ELP3: variants seen among roughly 807,000 people sequenced by gnomAD.
ELP3 encodes the protein elongator acetyltransferase complex subunit 3.
In ELP3, 56 loss-of-function variants were observed where a neutral mutation model predicts 74.9. The ratio of observed to expected loss-of-function variants is 0.75; its 90% CI spans 0.60 to 0.93. The LOEUF (loss-of-function observed/expected upper bound fraction) is 0.93. Among genes scored for constraint, ELP3 ranks in the 40% least tolerant of loss-of-function variants. The pLI, the probability that ELP3 is intolerant of heterozygous loss-of-function variation, is 0.00. For synonymous variants in ELP3, 222 were observed against 239.8 expected (o/e 0.93, Z 0.68); for missense variants, 573 against 686.5 (o/e 0.83, Z 1.85).
In ELP3 at chr8:28,189,743, T is replaced by C. The variant is rs2130630845; in HGVS notation, c.*18T>C. On this transcript the variant is annotated 3_prime_UTR_variant, in exon 15 of 15. Transcript: ENST00000256398. The stretch of plus-strand genomic sequence containing the variant: ...TGAAATAATGGCCACACCAGTCCAC[T>C]CTTCTGCAGTATCCTCCCTGGCAGA... The C allele has an allele frequency of 6.2e-7, 1 of 1,609,652 alleles. No individual in the cohort carries two copies. Among genetic ancestry groups the C allele is most frequent in the Non-Finnish European group, 8.5e-7 (1 of 1,175,930 alleles).
intron 2 of ELP3, among the ~76,000 whole-genome samples, chr8:28,098,684 T>A (rs1178000549): frequency 6.6e-6 from 1 of 152,224 alleles, no homozygotes; most frequent in Non-Finnish European, 1.5e-5. Context: ...CTTTTCCAAG[T>A]TTTTAAACCT....
intron 2 of ELP3, among the ~76,000 whole-genome samples, chr8:28,097,663 TG>T (rs1331053535): frequency 6.6e-6 from 1 of 152,154 alleles, no homozygotes; most frequent in African/African-American, 2.4e-5. Context: ...CCCAAAGTGC[TG>T]GGATTACAGG....
At chr8:28,186,684 C>A (rs918962713) in intron 14 of ELP3, among the ~76,000 whole-genome samples, 2 of 152,176 alleles carry the variant, frequency 1.3e-5, no homozygotes, top group African/African-American at 4.8e-5. Flanking sequence ...TGCGGTGGCA[C>A]AGGATAGCAC....
At chr8:28,151,577 T>C (rs1813643773) in intron 10 of ELP3, among the ~76,000 whole-genome samples, 1 of 152,226 alleles carries the variant, frequency 6.6e-6, no homozygotes, top group Non-Finnish European at 1.5e-5. Context: ...GATGGTAAGA[T>C]GATGGGGGAG....
rs141401634 is a variant in ELP3 at position 28,171,279 on chromosome 8, C to CT, written c.1567+9202dup. Among the ~76,000 whole-genome samples, 1,190 of 152,236 alleles carry CT rather than the reference C, an allele frequency of 7.8e-3. 10 individuals are homozygous for CT. The highest frequency in any genetic ancestry group is 0.028 in the African/African-American group (1,147 of 41,540). On this transcript the variant is annotated intron_variant, in intron 14 of 14. Coordinates refer to ENST00000256398, the MANE Select transcript of ELP3 (RefSeq NM_018091.6). ...CAAACTATTTTCCACAGTAACTGCA[C>CT]TGTTTTTCATTCCCACCCACAGTGC...
chr8:28,094,690 C>T (rs1017363530), intron 1 of ELP3, among the ~76,000 whole-genome samples: 1 of 151,540 alleles, frequency 6.6e-6, no homozygotes, highest in South Asian at 2.1e-4. Flanking sequence ...TGCAGTGAGC[C>T]GAGATCGCAC....
intron 3 of ELP3, among the ~76,000 whole-genome samples, chr8:28,103,205 GCTC>G (rs1811561155): frequency 6.6e-6 from 1 of 151,948 alleles, no homozygotes; most frequent in South Asian, 2.1e-4. Flanking sequence ...AACAAAAACA[GCTC>G]CTATTTGTCC....
At chr8:28,175,901 G>A (rs756323963) in intron 14 of ELP3, among the ~76,000 whole-genome samples, 60 of 130,700 alleles carry the variant, frequency 4.6e-4, no homozygotes, top group Non-Finnish European at 3.7e-4. Context: ...TGCAACCTCC[G>A]CCTCGCGGTT....
intron 1 of ELP3, among the ~76,000 whole-genome samples, chr8:28,094,285 C>T (rs1811166001): frequency 2.6e-5 from 4 of 152,234 alleles, no homozygotes; most frequent in Admixed American, 2.6e-4. Context: ...CCGCCAACCT[C>T]CTAACCCACC....
intron 5 of ELP3, 116 bp from the exon 6 acceptor site, chr8:28,110,254 A>G (rs1811862277): frequency 2.3e-6 from 2 of 885,642 alleles, no homozygotes; most frequent in Non-Finnish European, 3.6e-6. Flanking sequence ...TAATGCGGGT[A>G]CAAGCCACGT....
At chr8:28,146,183 A>T (rs1813423992) in intron 10 of ELP3, among the ~76,000 whole-genome samples, 2 of 152,136 alleles carry the variant, frequency 1.3e-5, no homozygotes, top group Non-Finnish European at 2.9e-5. Flanking sequence ...CTAATAGAAG[A>T]TTCTGTGTTC....
At chr8:28,133,110 T>C (rs1812843660) in intron 9 of ELP3, among the ~76,000 whole-genome samples, 1 of 152,204 alleles carries the variant, frequency 6.6e-6, no homozygotes, top group South Asian at 2.1e-4. Context: ...TAGATGCATA[T>C]GCACATATGT....
Position 28,129,617 on chromosome 8 carries a change from A to C in ELP3, c.733A>C (p.Ile245Leu), listed in dbSNP as rs1220129164. The change falls in exon 8 of 15, where the codon ATT (isoleucine) becomes CTT (leucine). Residue 245 changes from isoleucine to leucine, a missense_variant. Coordinates refer to ENST00000256398, the MANE Select transcript of ELP3 (RefSeq NM_018091.6). ...GACCTATGGCTGCACAAGGCTGGAGATTGGGGTGCAGAGTGTTTATGAAGA... is the reference window on the plus strand; with the variant it reads ...GACCTATGGCTGCACAAGGCTGGAGCTTGGGGTGCAGAGTGTTTATGAAGA... The part of the protein sequence containing the change: ...MLTYGCTRLE[I>L]GVQSVYEDVA... 6.2e-7 allele frequency: 1 copy of C among 1,614,152 alleles called. No individual in the cohort carries two copies. Among genetic ancestry groups the C allele is most frequent in the Admixed American group, 1.7e-5 (1 of 60,018 alleles).
At chr8:28,108,581 C>T (rs1414916070) in intron 5 of ELP3, among the ~76,000 whole-genome samples, 2 of 151,876 alleles carry the variant, frequency 1.3e-5, no homozygotes, top group Admixed American at 6.6e-5. Flanking sequence ...CTCAGCCTCC[C>T]GAGTAGCTGG....
intron 9 of ELP3, among the ~76,000 whole-genome samples, chr8:28,135,130 A>G (rs1812933360): frequency 1.3e-5 from 2 of 151,976 alleles, no homozygotes; most frequent in Admixed American, 1.3e-4. Flanking sequence ...GGGTTTCACC[A>G]TGTTGACCAG....
rs894485952 is a variant in ELP3 at position 28,132,187 on chromosome 8, C to G, written c.780-91C>G. 18 of 1,386,076 alleles carry G rather than the reference C, an allele frequency of 1.3e-5. No individual in the cohort carries two copies. In the Admixed American group the frequency reaches 2.0e-4, roughly 15 times the overall value. 85.9% of individuals were successfully genotyped at this position (1,386,076 alleles called of 1,614,324 possible). On this transcript the variant is annotated intron_variant, in intron 8 of 14. Coordinates refer to ENST00000256398, the MANE Select transcript of ELP3 (RefSeq NM_018091.6). ...TCTCAGAGATTGTTTTCCCCTTGTT[C>G]CTTGTGTTAACTTTGTCACCCATTT...
chr8:28,141,860 G>T (rs760527153), intron 10 of ELP3, among the ~76,000 whole-genome samples: 3 of 152,134 alleles, frequency 2.0e-5, no homozygotes, highest in African/African-American at 4.8e-5. Flanking sequence ...CTTCTCAGCC[G>T]CAGAGCATGG....
intron 3 of ELP3, among the ~76,000 whole-genome samples, chr8:28,102,211 T>C (rs1379360640): frequency 6.6e-6 from 1 of 152,222 alleles, no homozygotes; most frequent in Non-Finnish European, 1.5e-5. Context: ...CCTGTCAGAT[T>C]GTCAGTTAGG....
intron 1 of ELP3, 126 bp downstream of exon 1, chr8:28,093,359 G>T (rs1247198404): frequency 2.3e-6 from 3 of 1,324,664 alleles, no homozygotes; most frequent in Non-Finnish European, 3.1e-6. Context: ...CCGCCACCTA[G>T]GGTCAGTGTG....
Sources: gnomAD v4.1 joint callset for allele counts (sites outside exome capture counted in the v4.1 genomes callset) on GRCh38, gnomAD v4.1.1 for gene constraint, MANE v1.5 for transcripts, NCBI Gene and HGNC (gene_info 2026-07-23, HGNC 2026-07-21) for gene names.